The following ANO4 variants were observed in gnomAD, a reference collection of about 807,000 sequenced individuals.
The protein encoded by ANO4 is anoctamin 4.
In ANO4, 69 loss-of-function variants were observed where a neutral mutation model predicts 141.9. The ratio of observed to expected loss-of-function variants is 0.49; its 90% CI spans 0.40 to 0.59. The LOEUF is 0.59. Among genes scored for constraint, ANO4 ranks in the 20% least tolerant of loss-of-function variants. ANO4 has a pLI of 0.00. For missense variants in ANO4, 894 were observed against 1,162.2 expected, an observed-to-expected ratio of 0.77 and a Z score of 3.36; for synonymous variants, 350 against 394.3, an observed-to-expected ratio of 0.89 and a Z score of 1.33.
intron 25 of ANO4, among the ~76,000 whole-genome samples, chr12:101,118,839 G>A (rs2050959943): frequency 6.6e-6 from 1 of 151,430 alleles, no homozygotes; most frequent in South Asian, 2.1e-4. Flanking sequence ...TTTACATTAG[G>A]TATATCTCCT....
At chr12:101,044,368 T>C (rs1052813288) in intron 13 of ANO4, among the ~76,000 whole-genome samples, 1 of 152,258 alleles carries the variant, frequency 6.6e-6, no homozygotes, top group African/African-American at 2.4e-5. Context: ...ATTGCATACC[T>C]CTTTCTCGTG....
chr12:100,886,786 A>C (rs1407026406), intron 1 of ANO4, among the ~76,000 whole-genome samples: 1 of 152,174 alleles, frequency 6.6e-6, no homozygotes, highest in Admixed American at 6.5e-5. Context: ...ATGGCCCACA[A>C]AGCCCAAAAT....
At chr12:101,009,698 T>G (rs1469859766) in intron 8 of ANO4, among the ~76,000 whole-genome samples, 1 of 152,096 alleles carries the variant, frequency 6.6e-6, no homozygotes, top group Admixed American at 6.6e-5. Context: ...CTTGATGTGG[T>G]TCTATGTTTA....
At chr12:100,900,338 T>G (rs1389475151) in intron 1 of ANO4, among the ~76,000 whole-genome samples, 1 of 152,136 alleles carries the variant, frequency 6.6e-6, no homozygotes, top group East Asian at 1.9e-4. Flanking sequence ...AGTTCTAGGG[T>G]ACATGTGCAC....
intron 8 of ANO4, among the ~76,000 whole-genome samples, chr12:101,010,907 A>C (rs569177860): frequency 4.1e-4 from 62 of 152,314 alleles, no homozygotes; most frequent in Middle Eastern, 3.4e-3. Flanking sequence ...TTGTTTTAGC[A>C]ATTTGTGCTA....
At chr12:100,749,248 T>C (rs1406343101) in intron 3 of ANO4, among the ~76,000 whole-genome samples, 1 of 152,228 alleles carries the variant, frequency 6.6e-6, no homozygotes, top group African/African-American at 2.4e-5. Flanking sequence ...GGGCTGTTAC[T>C]CTGGTCTTCC....
chr12:100,860,210 C>T (rs181154579), intron 1 of ANO4, among the ~76,000 whole-genome samples: 3 of 152,242 alleles, frequency 2.0e-5, no homozygotes, highest in African/African-American at 4.8e-5. Context: ...GAGCTTGCAT[C>T]GTGACCACCT....
chr12:101,025,613 G>A (rs553816449), intron 9 of ANO4, among the ~76,000 whole-genome samples: 61 of 152,280 alleles, frequency 4.0e-4, no homozygotes, highest in African/African-American at 1.4e-3. Flanking sequence ...AGTAAGACTG[G>A]AACACCTCAT....
intron 1 of ANO4, among the ~76,000 whole-genome samples, chr12:100,890,915 G>A (rs1243749930): frequency 6.6e-6 from 1 of 152,062 alleles, no homozygotes; most frequent in African/African-American, 2.4e-5. Flanking sequence ...TAGTTTTATT[G>A]CCCTAAAAAT....
At chr12:100,984,830 A>G (rs2044637235) in intron 7 of ANO4, among the ~76,000 whole-genome samples, 1 of 152,122 alleles carries the variant, frequency 6.6e-6, no homozygotes, top group Non-Finnish European at 1.5e-5. Flanking sequence ...TCTTTTCATC[A>G]TCTCCACATT....
intron 1 of ANO4, among the ~76,000 whole-genome samples, chr12:100,813,545 A>G (rs1196994107): frequency 6.6e-6 from 1 of 152,208 alleles, no homozygotes. Flanking sequence ...TGGGCACCAA[A>G]CAGAGCAGCA....
At chr12:100,957,487 A>T (rs1027456523) in intron 5 of ANO4, among the ~76,000 whole-genome samples, 1 of 152,246 alleles carries the variant, frequency 6.6e-6, no homozygotes, top group East Asian at 1.9e-4. Context: ...AACAAACCAT[A>T]TCCAAACCAT....
chr12:100,940,433 G>A (rs565182696), intron 4 of ANO4, among the ~76,000 whole-genome samples: 1 of 152,244 alleles, frequency 6.6e-6, no homozygotes, highest in African/African-American at 2.4e-5. Context: ...CCCTCCTAAT[G>A]TCTTGGCTGA....
rs531285168 is a variant in ANO4, at chr12:101,036,438, AAAC to A, written c.842-653_842-651del. Among the ~76,000 whole-genome samples the A allele has an allele frequency of 1.5e-4, 23 of 152,342 alleles. No homozygotes were observed. The East Asian group carries it at 3.7e-3, about 24-fold the overall frequency. On this transcript the variant is annotated intron_variant, in intron 9 of 27. Coordinates refer to ENST00000392977, the MANE Select transcript of ANO4 (RefSeq NM_001286615.2). The stretch of plus-strand genomic sequence containing the variant: ...ATTATTTACAATAGCCAAGATATGA[AAAC>A]AACCCAAGTGTCCCCTGATGGAAGA...
chr12:101,043,185 T>C (rs754906734), intron 12 of ANO4, among the ~76,000 whole-genome samples: 4 of 152,260 alleles, frequency 2.6e-5, no homozygotes, highest in Non-Finnish European at 5.9e-5. Context: ...GAGATCAAGA[T>C]AAGTATCTTT....
At chr12:100,941,930 GA>G (rs1180966216) in intron 4 of ANO4, among the ~76,000 whole-genome samples, 1 of 149,378 alleles carries the variant, frequency 6.7e-6, no homozygotes, top group Non-Finnish European at 1.5e-5. Flanking sequence ...TTTCACTAAT[GA>G]ATATGTAATT....
chr12:100,971,207 TA>T, intron 5 of ANO4, 98 bp from the exon 6 acceptor site: 1 of 746,198 alleles, frequency 1.3e-6, no homozygotes. Flanking sequence ...CCCCAAATCA[TA>T]AACTCTGTCC....
chr12:100,957,899 G>C (rs1164178997), intron 5 of ANO4, among the ~76,000 whole-genome samples: 5 of 152,162 alleles, frequency 3.3e-5, no homozygotes, highest in Admixed American at 3.3e-4. Flanking sequence ...GTAGAGATGG[G>C]GTTTCGCCAT....
At chr12:100,795,449 G>C (rs2138048) in intron 1 of ANO4, among the ~76,000 whole-genome samples, 112,014 of 151,604 alleles carry the variant, frequency 0.74, 41,783 homozygotes, top group East Asian at 0.94. Context: ...TTCCATCTTT[G>C]TGGATAAAGA....
Sources: allele counts gnomAD v4.1 joint callset (sites outside exome capture counted in the v4.1 genomes callset), GRCh38; gene constraint gnomAD v4.1.1; transcripts MANE v1.5; gene names NCBI Gene and HGNC (gene_info 2026-07-23, HGNC 2026-07-21).